GRIK4: variants seen among roughly 807,000 people sequenced by gnomAD.
The protein encoded by GRIK4 is glutamate receptor ionotropic, kainate 4.
A neutral mutation model predicts 104.9 loss-of-function variants in GRIK4; 40 were observed. That is an observed-to-expected ratio of 0.38 (90% CI 0.30 to 0.50). GRIK4 has a LOEUF of 0.50. GRIK4 is among the 20% of genes least tolerant of loss of function. The pLI, the probability that GRIK4 is intolerant of heterozygous loss-of-function variation, is 0.93. For synonymous variants in GRIK4, 485 were observed against 524.9 expected (o/e 0.92, Z 1.04); for missense variants, 1,047 against 1,308.1 (o/e 0.80, Z 3.08).
intron 1 of GRIK4, among the ~76,000 whole-genome samples, chr11:120,593,571 G>C (rs561488036): frequency 6.6e-6 from 1 of 151,662 alleles, no homozygotes; most frequent in Admixed American, 6.6e-5. Flanking sequence ...TCTAAATGTC[G>C]GATGTCCCAA....
intron 9 of GRIK4, chr11:120,869,106 GT>G (rs996804166): frequency 1.3e-5 from 2 of 152,478 alleles, no homozygotes; most frequent in African/African-American, 4.8e-5. Flanking sequence ...CAGGAGATTG[GT>G]GACTGTGAGG....
chr11:120,559,505 A>G (rs1186224348), intron 1 of GRIK4, among the ~76,000 whole-genome samples: 2 of 152,218 alleles, frequency 1.3e-5, no homozygotes, highest in African/African-American at 4.8e-5. Flanking sequence ...TTCATCACCA[A>G]AACATTAACA....
intron 13 of GRIK4, among the ~76,000 whole-genome samples, chr11:120,909,636 T>C (rs7937875): frequency 0.015 from 2,317 of 152,254 alleles, 54 homozygotes; most frequent in African/African-American, 0.053. Flanking sequence ...GCAAGGTACA[T>C]GTAATTGAAA....
chr11:120,872,626 G>T (rs1043567903), intron 9 of GRIK4: 1 of 153,406 alleles, frequency 6.5e-6, no homozygotes, highest in Non-Finnish European at 1.5e-5. Flanking sequence ...CTTGTAATGG[G>T]ACTCTGTGTG....
chr11:120,725,561 G>A (rs1951014847), intron 3 of GRIK4, among the ~76,000 whole-genome samples: 1 of 152,132 alleles, frequency 6.6e-6, no homozygotes, highest in South Asian at 2.1e-4. Flanking sequence ...ACTAGGGAGG[G>A]GCAAGGAAGC....
intron 3 of GRIK4, among the ~76,000 whole-genome samples, chr11:120,762,833 G>T (rs1951772687): frequency 6.6e-6 from 1 of 152,112 alleles, no homozygotes; most frequent in Admixed American, 6.5e-5. Context: ...TGCTGGATTT[G>T]GTTCGTTAGT....
intron 3 of GRIK4, among the ~76,000 whole-genome samples, chr11:120,782,369 T>C (rs1293533747): frequency 6.7e-6 from 1 of 150,100 alleles, no homozygotes; most frequent in Non-Finnish European, 1.5e-5. Context: ...CACTGCAAGC[T>C]CCGCCTCCCG....
At chr11:120,674,226 C>A (rs1025041429) in intron 3 of GRIK4, among the ~76,000 whole-genome samples, 1 of 152,184 alleles carries the variant, frequency 6.6e-6, no homozygotes, top group Non-Finnish European at 1.5e-5. Flanking sequence ...TGTGATCCCC[C>A]AAATCAGAAG....
intron 3 of GRIK4, among the ~76,000 whole-genome samples, chr11:120,706,648 G>A (rs760606940): frequency 3.3e-4 from 51 of 152,274 alleles, no homozygotes; most frequent in African/African-American, 1.2e-3. Context: ...GAAAACGTTC[G>A]ACCTATGGGG....
intron 1 of GRIK4, among the ~76,000 whole-genome samples, chr11:120,639,501 G>C (rs1949443307): frequency 6.6e-6 from 1 of 152,122 alleles, no homozygotes; most frequent in Admixed American, 6.5e-5. Context: ...TCATTCCCCT[G>C]TCTCGCAGTC....
chr11:120,738,617 G>T (rs577708761), intron 3 of GRIK4, among the ~76,000 whole-genome samples: 1 of 152,328 alleles, frequency 6.6e-6, no homozygotes, highest in East Asian at 1.9e-4. Context: ...AGCAGGGCAG[G>T]CAGCAGCCAG....
At chr11:120,875,041 T>G (rs1954743460) in intron 10 of GRIK4, 98 bp from the exon 11 acceptor site, 1 of 780,794 alleles carries the variant, frequency 1.3e-6, no homozygotes, top group Middle Eastern at 2.3e-4. Context: ...CTTTGCCTCT[T>G]CTGGGCATCC....
At chr11:120,647,676 C>A (rs762389381) in intron 1 of GRIK4, among the ~76,000 whole-genome samples, 1 of 152,266 alleles carries the variant, frequency 6.6e-6, no homozygotes, top group Admixed American at 6.5e-5. Context: ...TTCCAAGATT[C>A]TTGCTGCAAC....
chr11:120,919,962 G>A (rs1943192239), intron 13 of GRIK4, among the ~76,000 whole-genome samples: 1 of 152,216 alleles, frequency 6.6e-6, no homozygotes, highest in Admixed American at 6.5e-5. Context: ...TCAGTAGGTA[G>A]GGGGAGTGAG....
At position 120,936,232 on chromosome 11, in the gene GRIK4, T is replaced by C. The variant is rs954806285; in HGVS notation, c.1477-4115T>C. On this transcript the variant is annotated intron_variant, in intron 13 of 20. Transcript: ENST00000527524. ...CCAGCTTCACAGCCCTCTTTTCATA[T>C]GGCCGCTAGTCATCTGCCGCCGTGT... The C allele has an allele frequency of 1.1e-5, 5 of 440,340 alleles. No individual in the cohort carries two copies. In the East Asian group the frequency reaches 2.6e-4, roughly 23 times the overall value. The allele number at this position is 440,340 out of a possible 1,614,324, so 27.3% of individuals were successfully genotyped here.
At chr11:120,573,958 C>T (rs1034653897) in intron 1 of GRIK4, among the ~76,000 whole-genome samples, 1 of 152,222 alleles carries the variant, frequency 6.6e-6, no homozygotes, top group African/African-American at 2.4e-5. Context: ...TTGCTGACTC[C>T]AGGCTCGGGG....
rs541151517 is a variant in GRIK4 at position 120,834,524 on chromosome 11, G to T, written c.691-2267G>T. ...GGCAGGCAGGCGTTCCATCAGGCCT[G>T]GCCTCTGTCCTCATGCTTCCCTGGG... On this transcript the variant is annotated intron_variant, in intron 7 of 20. Coordinates refer to ENST00000527524, the MANE Select transcript of GRIK4 (RefSeq NM_014619.5). Among the ~76,000 whole-genome samples, 8 of 152,288 alleles carry T rather than the reference G, an allele frequency of 5.3e-5. No individual in the cohort carries two copies. In the South Asian group the frequency reaches 1.5e-3, roughly 28 times the overall value.
intron 6 of GRIK4, among the ~76,000 whole-genome samples, chr11:120,830,576 C>G (rs891236226): frequency 6.6e-6 from 1 of 152,140 alleles, no homozygotes; most frequent in African/African-American, 2.4e-5. Flanking sequence ...AGCACGGGGC[C>G]TTGGACTGGT....
intron 18 of GRIK4, among the ~76,000 whole-genome samples, chr11:120,963,967 TTTTATTTA>T (rs201650109): frequency 1.2e-5 from 1 of 80,700 alleles, no homozygotes; most frequent in African/African-American, 5.6e-5. Flanking sequence ...TTTCCTATGT[TTTTATTTA>T]TTTATTTATT....
Sources: gnomAD v4.1 joint callset for allele counts (sites outside exome capture counted in the v4.1 genomes callset) on GRCh38, gnomAD v4.1.1 for gene constraint, MANE v1.5 for transcripts, NCBI Gene and HGNC (gene_info 2026-07-23, HGNC 2026-07-21) for gene names.